Variants in CNOT6L observed in about 807,000 individuals in gnomAD.
CNOT6L encodes CCR4-NOT transcription complex subunit 6 like, also known as CCR4-NOT transcription complex subunit 6-like.
In CNOT6L, 7 loss-of-function variants were observed where a neutral mutation model predicts 64.0. The ratio of observed to expected loss-of-function variants is 0.11; its 90% confidence interval spans 0.06 to 0.21. CNOT6L has a LOEUF of 0.21. CNOT6L is among the 10% of genes least tolerant of loss of function. The pLI, the probability that CNOT6L is intolerant of heterozygous loss-of-function variation, is 1.00. For synonymous variants in CNOT6L, 193 were observed against 243.4 expected, an observed-to-expected ratio of 0.79 and a Z score of 1.93; for missense variants, 245 against 669.0, an observed-to-expected ratio of 0.37 and a Z score of 6.99.
At chr4:77,743,599 T>G (rs1459226913) in intron 7 of CNOT6L, among the ~76,000 whole-genome samples, 31 of 84,486 alleles carry the variant, frequency 3.7e-4, no homozygotes, top group African/African-American at 1.1e-3. Flanking sequence ...TTTTTTTTTT[T>G]TTTTTTTTTT....
chr4:77,746,262 C>T (rs1296757865), intron 6 of CNOT6L, among the ~76,000 whole-genome samples: 1 of 152,140 alleles, frequency 6.6e-6, no homozygotes, highest in African/African-American at 2.4e-5. Flanking sequence ...TGAGAATGAA[C>T]CAGCAATTTT....
chr4:77,818,976 G>A lies in CNOT6L; in HGVS notation c.5+328C>T, dbSNP rs1046375983. ...GGCCCCCTAGGAGCAGCTCTCACCTGCGAGGCTCGGGAGCCGCAGCCACAA... is the reference window on the plus strand; with the variant it reads ...GGCCCCCTAGGAGCAGCTCTCACCTACGAGGCTCGGGAGCCGCAGCCACAA... On this transcript the variant is annotated intron_variant, in intron 1 of 11. Coordinates refer to ENST00000504123, the MANE Select transcript of CNOT6L (RefSeq NM_144571.3). The A allele has an allele frequency of 9.0e-6, 6 of 667,428 alleles. No individual in the cohort carries two copies. In the African/African-American group the frequency reaches 9.1e-5, roughly 10 times the overall value. The allele number at this position is 667,428 out of a possible 1,614,324, so 41.3% of individuals were successfully genotyped here. A position where few individuals can be genotyped will look rare whatever the true frequency, so the allele number is the denominator to read the frequency against.
chr4:77,771,086 G>A (rs1373248257), intron 4 of CNOT6L, among the ~76,000 whole-genome samples: 1 of 152,204 alleles, frequency 6.6e-6, no homozygotes, highest in Non-Finnish European at 1.5e-5. Flanking sequence ...TTGAGAGGCT[G>A]AGGTGGGCGG....
At chr4:77,770,725 A>C (rs570235850) in intron 4 of CNOT6L, among the ~76,000 whole-genome samples, 2 of 152,354 alleles carry the variant, frequency 1.3e-5, no homozygotes, top group African/African-American at 4.8e-5. Flanking sequence ...TAATGAATGT[A>C]AATCAGTGGC....
At chr4:77,753,684 A>C (rs1725122111) in intron 5 of CNOT6L, among the ~76,000 whole-genome samples, 2 of 151,938 alleles carry the variant, frequency 1.3e-5, no homozygotes, top group Admixed American at 6.6e-5. Flanking sequence ...AAAATAAATA[A>C]ATAAATAAAT....
At chr4:77,800,212 T>C (rs148718220) in intron 1 of CNOT6L, among the ~76,000 whole-genome samples, 1 of 152,140 alleles carries the variant, frequency 6.6e-6, no homozygotes, top group Non-Finnish European at 1.5e-5. Flanking sequence ...AATTAAGTCT[T>C]ACACAAAGGC....
chr4:77,817,221 G>GA (rs199554999), intron 1 of CNOT6L, among the ~76,000 whole-genome samples: 30 of 150,096 alleles, frequency 2.0e-4, no homozygotes, highest in Non-Finnish European at 4.4e-5. Context: ...TTGAAAATAT[G>GA]AAAAAAAAAT....
chr4:77,723,347 C>T (rs1281947545), intron 11 of CNOT6L, among the ~76,000 whole-genome samples: 1 of 152,114 alleles, frequency 6.6e-6, no homozygotes, highest in African/African-American at 2.4e-5. Context: ...AGAAAGTAAA[C>T]AAATACTAAG....
At chr4:77,757,212 A>G (rs1370182781) in intron 4 of CNOT6L, among the ~76,000 whole-genome samples, 2 of 152,204 alleles carry the variant, frequency 1.3e-5, no homozygotes, top group Admixed American at 6.5e-5. Context: ...TTCTGAAGTA[A>G]TATCACAACC....
intron 11 of CNOT6L, among the ~76,000 whole-genome samples, chr4:77,725,214 T>C (rs1721709246): frequency 6.6e-6 from 1 of 152,202 alleles, no homozygotes; most frequent in African/African-American, 2.4e-5. Flanking sequence ...TTTCTTTTCT[T>C]CCTCCTATTT....
intron 11 of CNOT6L, 114 bp downstream of exon 11, chr4:77,726,053 A>T: frequency 1.0e-6 from 1 of 964,366 alleles, no homozygotes; most frequent in Non-Finnish European, 1.6e-6. Flanking sequence ...TAGACATTTT[A>T]AGAATCTAAA....
chr4:77,771,676 T>C (rs1007612184), intron 4 of CNOT6L, among the ~76,000 whole-genome samples: 11 of 152,238 alleles, frequency 7.2e-5, no homozygotes, highest in Admixed American at 7.2e-4. Flanking sequence ...TTTATGAAAC[T>C]GAATAAGGAA....
rs538699639 is a variant in CNOT6L, at chr4:77,786,794, G to C, written c.6-10402C>G. 3.3e-4 allele frequency among the ~76,000 whole-genome samples: 50 copies of C among 151,886 alleles called. No homozygotes were observed. The East Asian group carries it at 6.4e-3, about 20-fold the overall frequency. On this transcript the variant is annotated intron_variant, in intron 1 of 11. Coordinates refer to ENST00000504123, the MANE Select transcript of CNOT6L (RefSeq NM_144571.3). ...CTGGCCTAAAAATATTTTTAAAAAA[G>C]GAAACAATATGAGGAGAGAGGCTGT...
intron 4 of CNOT6L, among the ~76,000 whole-genome samples, chr4:77,770,764 A>T (rs1405645956): frequency 6.6e-6 from 1 of 152,250 alleles, no homozygotes; most frequent in East Asian, 1.9e-4. Context: ...TAAAGAACGT[A>T]AATCAGTAGA....
At chr4:77,770,539 A>G (rs1727407021) in intron 4 of CNOT6L, among the ~76,000 whole-genome samples, 1 of 152,244 alleles carries the variant, frequency 6.6e-6, no homozygotes, top group African/African-American at 2.4e-5. Context: ...TTTCTGGATC[A>G]CCTTGGAAAG....
At chr4:77,728,140 A>C (rs1365152725) in intron 10 of CNOT6L, among the ~76,000 whole-genome samples, 2 of 152,252 alleles carry the variant, frequency 1.3e-5, no homozygotes, top group African/African-American at 4.8e-5. Flanking sequence ...AGTGGAGCTC[A>C]AGAAGTAATA....
At chr4:77,805,551 CATATT>C in intron 1 of CNOT6L, among the ~76,000 whole-genome samples, 1 of 152,258 alleles carries the variant, frequency 6.6e-6, no homozygotes, top group Non-Finnish European at 1.5e-5. Context: ...ATTTTCATTT[CATATT>C]ATAGTTGTTA....
Position 77,751,653 on chromosome 4 carries a change from T to G in CNOT6L, c.491-3269A>C, listed in dbSNP as rs113560446. Among the ~76,000 whole-genome samples the G allele has an allele frequency of 1.0e-3, 154 of 152,174 alleles. 1 individual carries two copies. Among genetic ancestry groups the G allele is most frequent in the African/African-American group, 3.2e-3 (133 of 41,536 alleles). ...GAACCTTAAAAACATCAGACAGAAA[T>G]AGCATATTACCTATAGGACATCAAC... On this transcript the variant is annotated intron_variant, in intron 5 of 11. Transcript: ENST00000504123.
intron 5 of CNOT6L, among the ~76,000 whole-genome samples, chr4:77,751,496 T>C (rs1266794073): frequency 6.6e-6 from 1 of 152,070 alleles, no homozygotes; most frequent in Non-Finnish European, 1.5e-5. Flanking sequence ...AGAGAACAGG[T>C]GAACATTTCC....
Sources: allele counts gnomAD v4.1 joint callset (sites outside exome capture counted in the v4.1 genomes callset), GRCh38; gene constraint gnomAD v4.1.1; transcripts MANE v1.5; gene names NCBI Gene and HGNC (gene_info 2026-07-23, HGNC 2026-07-21).